PDGFD: variants seen among roughly 807,000 people sequenced by gnomAD.
PDGFD encodes the protein platelet-derived growth factor D.
A neutral mutation model predicts 44.7 loss-of-function variants in PDGFD; 30 were observed. The ratio of observed to expected loss-of-function variants is 0.67; its 90% confidence interval spans 0.50 to 0.91. The LOEUF (loss-of-function observed/expected upper bound fraction) is 0.91. Ranked by LOEUF, PDGFD falls within the 40% of genes least tolerant of loss-of-function variation. PDGFD has a pLI of 0.00. For missense variants in PDGFD, 445 were observed against 457.8 expected (o/e 0.97, Z 0.25); for synonymous variants, 173 against 168.4 (o/e 1.03, Z -0.21).
At chr11:104,105,455 A>G (rs1861458063) in intron 1 of PDGFD, among the ~76,000 whole-genome samples, 1 of 152,216 alleles carries the variant, frequency 6.6e-6, no homozygotes, top group African/African-American at 2.4e-5. Context: ...TGGAGAAAAA[A>G]AAATAAACCA....
At chr11:103,994,320 T>C (rs1859502769) in intron 3 of PDGFD, among the ~76,000 whole-genome samples, 1 of 152,174 alleles carries the variant, frequency 6.6e-6, no homozygotes, top group Non-Finnish European at 1.5e-5. Context: ...GCTCCATCCA[T>C]GAATAATTGA....
chr11:104,122,128 G>A (rs904481647), intron 1 of PDGFD, among the ~76,000 whole-genome samples: 2 of 152,000 alleles, frequency 1.3e-5, no homozygotes, highest in Non-Finnish European at 2.9e-5. Context: ...CTAACAAAGA[G>A]CAGCCTGAAA....
rs1025589528 is a variant in PDGFD, at chr11:104,047,099, C to T, written c.125-46844G>A. ...CCTTTTTTATGGCTGCATAGTATTC[C>T]ATGGTATATGTTTGCCACATTTTCT... On this transcript the variant is annotated intron_variant, in intron 1 of 6. Transcript: ENST00000393158. Among the ~76,000 whole-genome samples, 23 of 147,204 alleles carry T rather than the reference C, an allele frequency of 1.6e-4. 1 individual carries two copies. The highest frequency in any genetic ancestry group is 4.5e-4 in the African/African-American group (18 of 40,404).
chr11:104,159,509 C>T (rs1862359217), intron 1 of PDGFD, among the ~76,000 whole-genome samples: 1 of 152,158 alleles, frequency 6.6e-6, no homozygotes, highest in Non-Finnish European at 1.5e-5. Flanking sequence ...AGATAATTTA[C>T]ATTATGACTC....
At chr11:104,016,775 G>T (rs369713241) in intron 1 of PDGFD, among the ~76,000 whole-genome samples, 1 of 152,184 alleles carries the variant, frequency 6.6e-6, no homozygotes, top group Non-Finnish European at 1.5e-5. Flanking sequence ...AATACTACAC[G>T]GTTGTTGCTC....
At chr11:103,932,098 T>G (rs1025942084) in intron 5 of PDGFD, among the ~76,000 whole-genome samples, 1 of 152,180 alleles carries the variant, frequency 6.6e-6, no homozygotes, top group Non-Finnish European at 1.5e-5. Context: ...CTCACCACAC[T>G]TTTTCTGCCC....
In PDGFD at chr11:104,164,079, C is replaced by T; in HGVS notation, c.-152G>A. 2.5e-6 allele frequency: 2 copies of T among 795,554 alleles called. No homozygotes were observed. The highest frequency in any genetic ancestry group is 6.4e-5 in the South Asian group (2 of 31,370). 49.3% of individuals were successfully genotyped at this position (795,554 alleles called of 1,614,324 possible). The stretch of plus-strand genomic sequence containing the variant: ...TAATCGCCGAGCTCTCCCCAAACTT[C>T]CTGCATGCTGAACTTTCCGAGCGCG... On this transcript the variant is annotated 5_prime_UTR_variant, in exon 1 of 7. Transcript: ENST00000393158.
At chr11:104,013,203 T>A (rs1476739871) in intron 1 of PDGFD, among the ~76,000 whole-genome samples, 2 of 152,162 alleles carry the variant, frequency 1.3e-5, no homozygotes. Flanking sequence ...CCATCTCTTT[T>A]CCTGCTCCCC....
At position 104,118,335 on chromosome 11, in the gene PDGFD, A is replaced by G. The variant is rs1861672093; in HGVS notation, c.124+45469T>C. 3.9e-5 allele frequency among the ~76,000 whole-genome samples: 6 copies of G among 152,008 alleles called. No homozygotes were observed. In the South Asian group the frequency reaches 1.2e-3, roughly 32 times the overall value. ...TCTCTACTCTAGGCTATGTGAGGAT[A>G]CAATGAGAAGATGGCCATCTACAAA... On this transcript the variant is annotated intron_variant, in intron 1 of 6. Coordinates refer to ENST00000393158, the MANE Select transcript of PDGFD (RefSeq NM_025208.5).
chr11:103,924,910 C>T (rs999186471), intron 6 of PDGFD, among the ~76,000 whole-genome samples: 1 of 152,098 alleles, frequency 6.6e-6, no homozygotes, highest in Non-Finnish European at 1.5e-5. Context: ...GTTTGCTGCA[C>T]CCTTTAACCC....
intron 6 of PDGFD, among the ~76,000 whole-genome samples, chr11:103,925,339 A>G (rs1422480349): frequency 6.6e-6 from 1 of 152,162 alleles, no homozygotes; most frequent in East Asian, 1.9e-4. Context: ...ATTGCTGTGG[A>G]CACTGATGGA....
rs367662309 is a variant in PDGFD, at chr11:104,098,693, T to G, written c.124+65111A>C. On this transcript the variant is annotated intron_variant, in intron 1 of 6. Transcript: ENST00000393158. ...CCAGCTAATTTTTAATTTTTAATTT[T>G]TTTGTAGGGATGGGGTCTAGCTATG... Among the ~76,000 whole-genome samples the G allele has an allele frequency of 9.9e-5, 15 of 152,114 alleles. No homozygotes were observed. In the East Asian group the frequency reaches 2.9e-3, roughly 30 times the overall value.
intron 3 of PDGFD, among the ~76,000 whole-genome samples, chr11:103,956,694 C>T (rs527947984): frequency 1.3e-5 from 2 of 152,100 alleles, no homozygotes; most frequent in East Asian, 1.9e-4. Flanking sequence ...TAAAAGTATT[C>T]CTATTTCTCC....
intron 6 of PDGFD, 151 bp downstream of exon 6, chr11:103,926,761 C>T (rs907840428): frequency 5.5e-5 from 44 of 796,656 alleles, no homozygotes; most frequent in Non-Finnish European, 8.5e-5. Flanking sequence ...CTTGGCTTGG[C>T]AAACCTAGTG....
intron 1 of PDGFD, among the ~76,000 whole-genome samples, chr11:104,005,665 C>G (rs1343024818): frequency 6.6e-6 from 1 of 152,208 alleles, no homozygotes; most frequent in Non-Finnish European, 1.5e-5. Flanking sequence ...TTAATCCTCA[C>G]AACAACCCCA....
At chr11:104,120,983 A>T (rs751290166) in intron 1 of PDGFD, among the ~76,000 whole-genome samples, 11 of 152,010 alleles carry the variant, frequency 7.2e-5, no homozygotes, top group Non-Finnish European at 1.5e-4. Flanking sequence ...AACTGCATTG[A>T]CTAACCTGAC....
At chr11:103,930,757 G>T (rs1858389104) in intron 5 of PDGFD, among the ~76,000 whole-genome samples, 3 of 152,182 alleles carry the variant, frequency 2.0e-5, no homozygotes, top group Admixed American at 2.0e-4. Context: ...CTTCCTAGGT[G>T]CACCCATAGG....
intron 1 of PDGFD, among the ~76,000 whole-genome samples, chr11:104,108,812 C>T (rs1226626280): frequency 5.3e-5 from 8 of 152,144 alleles, no homozygotes; most frequent in Middle Eastern, 3.4e-3. Context: ...AAATGTCCAT[C>T]GACGATAGAC....
rs2134295317 is a variant in PDGFD at position 103,908,542 on chromosome 11, G to T, written c.*1152C>A. On this transcript the variant is annotated 3_prime_UTR_variant, in exon 7 of 7. Transcript: ENST00000393158. ...TACATTAATAAAATGTGATTTTTTT[G>T]ATACACAAAAGCTTTTAGGTTGTAA... 6.6e-6 allele frequency: 1 copy of T among 152,208 alleles called. No individual in the cohort carries two copies. The highest frequency in any genetic ancestry group is 1.9e-4 in the East Asian group (1 of 5,176). The allele number at this position is 152,208 out of a possible 1,614,324, so 9.4% of individuals were successfully genotyped here.
Sources: allele counts gnomAD v4.1 joint callset (sites outside exome capture counted in the v4.1 genomes callset), GRCh38; gene constraint gnomAD v4.1.1; transcripts MANE v1.5; gene names NCBI Gene and HGNC (gene_info 2026-07-23, HGNC 2026-07-21).